ERC1: variants seen among roughly 807,000 people sequenced by gnomAD.
ERC1 encodes ELKS/RAB6-interacting/CAST family member 1.
A neutral mutation model predicts 132.0 loss-of-function variants in ERC1; 56 were observed. The ratio of observed to expected loss-of-function variants is 0.42; its 90% CI spans 0.34 to 0.53. ERC1 has a LOEUF of 0.53. ERC1 is among the 20% of genes least tolerant of loss of function. ERC1 has a pLI of 0.03. For synonymous variants in ERC1, 478 were observed against 476.1 expected (o/e 1.00, Z -0.05); for missense variants, 1,202 against 1,349.9 (o/e 0.89, Z 1.72).
At chr12:1,220,383 T>C (rs975653183) in intron 12 of ERC1, among the ~76,000 whole-genome samples, 1 of 152,212 alleles carries the variant, frequency 6.6e-6, no homozygotes, top group Non-Finnish European at 1.5e-5. Flanking sequence ...TCAGTAAATA[T>C]TTGCTGAATA....
chr12:1,200,333 A>G (rs1755044266), intron 12 of ERC1, among the ~76,000 whole-genome samples: 2 of 151,470 alleles, frequency 1.3e-5, no homozygotes, highest in South Asian at 4.2e-4. Context: ...TGTTCCCTTT[A>G]TTTGTTTGTG....
chr12:1,155,019 G>T (rs1427000500), intron 8 of ERC1, among the ~76,000 whole-genome samples: 1 of 152,102 alleles, frequency 6.6e-6, no homozygotes, highest in Non-Finnish European at 1.5e-5. Flanking sequence ...AGAACTAAAA[G>T]TACATTTATC....
At chr12:1,307,917 A>G (rs560077089) in intron 15 of ERC1, among the ~76,000 whole-genome samples, 34 of 152,344 alleles carry the variant, frequency 2.2e-4, no homozygotes, top group African/African-American at 8.2e-4. Flanking sequence ...ATTGCACTCC[A>G]TTGTAGATGT....
chr12:1,100,837 T>C lies in ERC1; in HGVS notation c.1087-3913T>C, dbSNP rs149751660. On this transcript the variant is annotated intron_variant, in intron 3 of 18. Transcript: ENST00000360905. ...TAAACATTTGGGAGTTATCAGTATGTGCATGATACTGAACGGTAAATACCA... is the reference window on the plus strand; with the variant it reads ...TAAACATTTGGGAGTTATCAGTATGCGCATGATACTGAACGGTAAATACCA... Among the ~76,000 whole-genome samples the C allele has an allele frequency of 2.6e-4, 40 of 152,244 alleles. 3 individuals carry two copies. The East Asian group carries it at 7.7e-3, about 29-fold the overall frequency.
chr12:1,079,337 G>A (rs548421344), intron 2 of ERC1, among the ~76,000 whole-genome samples: 3 of 142,750 alleles, frequency 2.1e-5, no homozygotes, highest in Non-Finnish European at 4.6e-5. Context: ...GACAAAAGTC[G>A]ATATACAGAG....
intron 14 of ERC1, among the ~76,000 whole-genome samples, chr12:1,286,688 CAGTA>C (rs572585677): frequency 2.1e-4 from 32 of 152,040 alleles, no homozygotes; most frequent in Non-Finnish European, 4.6e-4. Flanking sequence ...CAAAATCTGT[CAGTA>C]AGAGCATTTA....
At chr12:1,480,855 C>G (rs2094075786) in intron 18 of ERC1, 2 of 702,314 alleles carry the variant, frequency 2.8e-6, no homozygotes, top group Admixed American at 2.0e-5. Flanking sequence ...TCCGTTGCAT[C>G]CCAAAGCCAT....
chr12:1,180,807 C>T lies in ERC1; in HGVS notation c.1875+130C>T, dbSNP rs979285614. On this transcript the variant is annotated intron_variant, in intron 9 of 18. Transcript: ENST00000360905. ...GCTGCTGTGTGCTATTGCTGACATA[C>T]GTAGTGTGAAGGGAAACATTTTTTT... 1.5e-5 allele frequency: 17 copies of T among 1,127,472 alleles called. No homozygotes were observed. In the East Asian group the frequency reaches 1.7e-4, roughly 11 times the overall value. The allele number at this position is 1,127,472 out of a possible 1,614,324, so 69.8% of individuals were successfully genotyped here.
chr12:997,324 A>T (rs1456479245), intron 1 of ERC1, among the ~76,000 whole-genome samples: 1 of 152,232 alleles, frequency 6.6e-6, no homozygotes. Context: ...AGGCTTTTTC[A>T]TGTCGTCTTT....
rs1016721120 is a variant in ERC1 at position 1,117,847 on chromosome 12, CTT to C, written c.1569+1815_1569+1816del. 9.2e-5 allele frequency among the ~76,000 whole-genome samples: 14 copies of C among 152,098 alleles called. 1 individual carries two copies. The highest frequency in any genetic ancestry group is 3.4e-4 in the African/African-American group (14 of 41,478). ...ATTTTCTTACTTTTATTAAGCTAAA[CTT>C]AGGTTTATTCAGGGAATTATAAATA... On this transcript the variant is annotated intron_variant, in intron 7 of 18. Transcript: ENST00000360905.
chr12:1,398,731 C>T (rs1299881743), intron 16 of ERC1, among the ~76,000 whole-genome samples: 1 of 152,084 alleles, frequency 6.6e-6, no homozygotes, highest in African/African-American at 2.4e-5. Context: ...ACTGGGAAGT[C>T]TAAGATCAAG....
intron 15 of ERC1, among the ~76,000 whole-genome samples, chr12:1,304,718 C>A (rs1170981257): frequency 6.7e-6 from 1 of 148,196 alleles, no homozygotes; most frequent in African/African-American, 2.5e-5. Flanking sequence ...TTTAAAGGCC[C>A]TTTAACACAG....
At chr12:1,473,586 C>T (rs924527923) in intron 18 of ERC1, among the ~76,000 whole-genome samples, 9 of 146,662 alleles carry the variant, frequency 6.1e-5, no homozygotes, top group South Asian at 2.2e-4. Context: ...GCTGTGATCT[C>T]GCCACCGCAC....
intron 3 of ERC1, 30 bp from the exon 4 acceptor site, chr12:1,104,720 A>G (rs1420786908): frequency 3.3e-6 from 5 of 1,516,044 alleles, no homozygotes; most frequent in African/African-American, 2.7e-5. Context: ...ACAGGAGAGC[A>G]CTGAATCTCT....
At position 1,294,779 on chromosome 12, in the gene ERC1, G is replaced by GT. The variant is rs113374394; in HGVS notation, c.2780+4774dup. On this transcript the variant is annotated intron_variant, in intron 15 of 18. Transcript: ENST00000360905. ...GATATATAATTTACCAGTATGGCAGGTTTTTTTGGTTTTGTTTGGATTTTT... is the reference window on the plus strand; with the variant it reads ...GATATATAATTTACCAGTATGGCAGGTTTTTTTTGGTTTTGTTTGGATTTTT... 7.5e-4 allele frequency among the ~76,000 whole-genome samples: 114 copies of GT among 152,088 alleles called. 1 individual carries two copies. Among genetic ancestry groups the GT allele is most frequent in the African/African-American group, 2.6e-3 (107 of 41,496 alleles).
chr12:1,437,415 C>G (rs927920165), intron 17 of ERC1, among the ~76,000 whole-genome samples: 1 of 152,208 alleles, frequency 6.6e-6, no homozygotes, highest in Non-Finnish European at 1.5e-5. Context: ...TTTCCGAGTA[C>G]TAAAGCAAGT....
chr12:1,098,525 A>G (rs539311274), intron 3 of ERC1, among the ~76,000 whole-genome samples: 13 of 152,370 alleles, frequency 8.5e-5, no homozygotes, highest in South Asian at 2.1e-4. Flanking sequence ...TGGGAAATGA[A>G]TATCAGGAGG....
intron 2 of ERC1, among the ~76,000 whole-genome samples, chr12:1,056,182 T>C (rs930760363): frequency 2.0e-5 from 3 of 152,202 alleles, no homozygotes; most frequent in South Asian, 2.1e-4. Flanking sequence ...TATTAATTTT[T>C]CTTTTTATCT....
chr12:1,295,358 A>G (rs2079836350), intron 15 of ERC1, among the ~76,000 whole-genome samples: 1 of 152,138 alleles, frequency 6.6e-6, no homozygotes, highest in African/African-American at 2.4e-5. Context: ...TCAGGGAAGT[A>G]ATTCATATAC....
Sources: gnomAD v4.1 joint callset for allele counts (sites outside exome capture counted in the v4.1 genomes callset) on GRCh38, gnomAD v4.1.1 for gene constraint, MANE v1.5 for transcripts, NCBI Gene and HGNC (gene_info 2026-07-23, HGNC 2026-07-21) for gene names.